The following MALT1 variants were observed in gnomAD, a reference collection of about 807,000 sequenced individuals.
MALT1 encodes mucosa-associated lymphoid tissue lymphoma translocation protein 1.
A neutral mutation model predicts 85.5 loss-of-function variants in MALT1; 36 were observed. The ratio of observed to expected loss-of-function variants is 0.42; its 90% CI spans 0.32 to 0.56. The LOEUF is 0.56. MALT1 is among the 20% of genes least tolerant of loss of function. The pLI, the probability that MALT1 is intolerant of heterozygous loss-of-function variation, is 0.10. For missense variants in MALT1, 716 were observed against 981.6 expected, an observed-to-expected ratio of 0.73 and a Z score of 3.62; for synonymous variants, 359 against 361.3, an observed-to-expected ratio of 0.99 and a Z score of 0.07.
At chr18:58,741,018 A>C (rs1242120100) in intron 13 of MALT1, among the ~76,000 whole-genome samples, 4 of 136,514 alleles carry the variant, frequency 2.9e-5, no homozygotes, top group Non-Finnish European at 6.4e-5. Context: ...TCATACTAAC[A>C]GAGCCACACC....
chr18:58,698,308 G>T (rs1391646370), intron 3 of MALT1, among the ~76,000 whole-genome samples: 1 of 151,898 alleles, frequency 6.6e-6, no homozygotes, highest in South Asian at 2.1e-4. Context: ...CTCGTGATCC[G>T]CCTGCCTCAG....
chr18:58,749,851 C>T lies in MALT1; in HGVS notation c.*2009C>T, dbSNP rs1042392242. 29 of 210,064 alleles carry T rather than the reference C, an allele frequency of 1.4e-4. No individual in the cohort carries two copies. The highest frequency in any genetic ancestry group is 6.1e-4 in the African/African-American group (27 of 44,100). The allele number at this position is 210,064 out of a possible 1,614,324, so 13.0% of individuals were successfully genotyped here. A position where few individuals can be genotyped will look rare whatever the true frequency, so the allele number is the denominator to read the frequency against. The stretch of plus-strand genomic sequence containing the variant: ...TGAAAAGCCCACACCTAACATTATA[C>T]TTCATGGTGATAGACTGAAGGCTGA... On this transcript the variant is annotated 3_prime_UTR_variant, in exon 17 of 17. Coordinates refer to ENST00000649217, the MANE Select transcript of MALT1 (RefSeq NM_006785.4).
intron 2 of MALT1, among the ~76,000 whole-genome samples, chr18:58,689,423 A>C (rs2054461651): frequency 7.3e-6 from 1 of 136,494 alleles, no homozygotes; most frequent in East Asian, 3.1e-4. Context: ...CATGTAAAGC[A>C]GTCAGTAACT....
At chr18:58,698,519 G>A (rs561901143) in intron 3 of MALT1, among the ~76,000 whole-genome samples, 4 of 152,276 alleles carry the variant, frequency 2.6e-5, no homozygotes, top group Non-Finnish European at 4.4e-5. Context: ...ATATTTTAGA[G>A]AGAGTCAACT....
rs1320720757 is a variant in MALT1, at chr18:58,700,553, C to T, written c.611C>T (p.Ser204Leu). 1 of 1,612,106 alleles carries T rather than the reference C, an allele frequency of 6.2e-7. No homozygotes were observed. Among genetic ancestry groups the T allele is most frequent in the African/African-American group, 1.3e-5 (1 of 74,796 alleles). ...NNFTFEFSQW[S>L]QLDVCDIPES... ...TTCACCTTTGAATTCAGCCAGTGGT[C>T]ACAGCTGGATGTTTGCGACATCCCA... The change falls in exon 4 of 17, where the codon TCA becomes TTA. Residue 204 changes from serine (S) to leucine (L), a missense_variant. Ser to Leu is a moderately radical substitution (Grantham distance 145). Transcript: ENST00000649217.
At chr18:58,712,191 T>C (rs919984777) in intron 7 of MALT1, among the ~76,000 whole-genome samples, 3 of 152,172 alleles carry the variant, frequency 2.0e-5, no homozygotes, top group African/African-American at 7.2e-5. Context: ...AGTTACGAAG[T>C]TTCTCCAGAA....
chr18:58,681,312 G>A lies in MALT1; in HGVS notation c.352G>A (p.Val118Ile). The A allele has an allele frequency of 6.2e-7, 1 of 1,613,874 alleles. No homozygotes were observed. Reference protein sequence around the residue: ...DFLQAMEHTEVLQLLSPPGIK... With the variant: ...DFLQAMEHTEILQLLSPPGIK... ...CCTGCAGGCTATGGAACACACTGAA[G>A]TTCTTCAGCTTCTCAGCCCCCCAGG... Residue 118 changes from valine to isoleucine, a missense_variant, in exon 2 of 17, where the codon GTT (valine) becomes ATT (isoleucine). Val to Ile is a conservative substitution (Grantham distance 29, BLOSUM62 3). Coordinates refer to ENST00000649217, the MANE Select transcript of MALT1 (RefSeq NM_006785.4).
chr18:58,729,692 T>TG (rs1353153484), intron 10 of MALT1, among the ~76,000 whole-genome samples: 1 of 152,192 alleles, frequency 6.6e-6, no homozygotes, highest in Non-Finnish European at 1.5e-5. Context: ...GAAAGTCCTT[T>TG]GAAAACCAAG....
At position 58,679,911 on chromosome 18, in the gene MALT1, A is replaced by G. The variant is rs116587098; in HGVS notation, c.210-1259A>G. Reference sequence around the variant, plus strand: ...TAAATATACTTTTTAAAAATTATCAAAAGAGCCAGGAGTGGTGGCTCCAGC... The same window carrying G: ...TAAATATACTTTTTAAAAATTATCAGAAGAGCCAGGAGTGGTGGCTCCAGC... On this transcript the variant is annotated intron_variant, in intron 1 of 16. Transcript: ENST00000649217. Among the ~76,000 whole-genome samples the G allele has an allele frequency of 4.6e-3, 705 of 152,256 alleles. 5 individuals carry two copies. Among genetic ancestry groups the G allele is most frequent in the African/African-American group, 0.016 (678 of 41,540 alleles).
chr18:58,741,977 A>C lies in MALT1; in HGVS notation c.1716A>C (p.Glu572Asp), dbSNP rs1434283210. Reference protein sequence around the residue: ...DPIQGTEYSAESLVRNLQWAK... With the variant: ...DPIQGTEYSADSLVRNLQWAK... ...TACAGGGAACAGAATATTCTGCTGAATCTCTTGTGCGGAATCTACAGTGGG... is the reference window on the plus strand; with the variant it reads ...TACAGGGAACAGAATATTCTGCTGACTCTCTTGTGCGGAATCTACAGTGGG... Residue 572 changes from glutamate to aspartate, a missense_variant, in exon 14 of 17, where the codon GAA becomes GAC. Physicochemically the swap from Glu to Asp is conservative, Grantham distance 45. Transcript: ENST00000649217. The C allele has an allele frequency of 6.4e-6, 10 of 1,551,396 alleles. No individual in the cohort carries two copies. The highest frequency in any genetic ancestry group is 8.8e-6 in the Non-Finnish European group (10 of 1,135,066).
rs34656371 is a variant in MALT1, at chr18:58,736,442, T to TA, written c.1603+1126dup. On this transcript the variant is annotated intron_variant, in intron 13 of 16. Transcript: ENST00000649217. ...ATTTGAAGGAAAGGCTCTGCTGCTT[T>TA]AAAAAAAAAAAAAGAAAGAAAGAAA... is the stretch of plus-strand genomic sequence containing the variant. Among the ~76,000 whole-genome samples the TA allele has an allele frequency of 5.1e-3, 735 of 145,392 alleles. 4 individuals are homozygous for TA. The highest frequency in any genetic ancestry group is 9.1e-3 in the East Asian group (46 of 5,040).
At chr18:58,704,294 G>A (rs898643996) in intron 4 of MALT1, among the ~76,000 whole-genome samples, 1 of 152,114 alleles carries the variant, frequency 6.6e-6, no homozygotes, top group East Asian at 1.9e-4. Flanking sequence ...CACCAACAGC[G>A]TATAAGATTT....
At position 58,710,196 on chromosome 18, in the gene MALT1, A is replaced by G. The variant is rs945016497; in HGVS notation, c.925+124A>G. On this transcript the variant is annotated intron_variant, in intron 6 of 16. Transcript: ENST00000649217. ...CATACTATTTAATGATGTGTTAAGC[A>G]TTAGAAGTTATATTGTTTATATTGA... The G allele has an allele frequency of 2.7e-5, 13 of 476,324 alleles. No homozygotes were observed. The Admixed American group carries it at 4.9e-4, about 18-fold the overall frequency. The allele number at this position is 476,324 out of a possible 1,614,324, so 29.5% of individuals were successfully genotyped here.
intron 3 of MALT1, 118 bp from the exon 4 acceptor site, chr18:58,700,323 T>G: frequency 1.4e-6 from 1 of 695,416 alleles, no homozygotes; most frequent in Non-Finnish European, 2.2e-6. Flanking sequence ...GTTTTAGAAC[T>G]TGGGGGAAAA....
At chr18:58,681,090 G>A in intron 1 of MALT1, 80 bp from the exon 2 acceptor site, 1 of 1,297,248 alleles carries the variant, frequency 7.7e-7, no homozygotes, top group Non-Finnish European at 1.1e-6. Context: ...ATTCCATACA[G>A]CACCACCGTG....
rs2055415165 is a variant in MALT1 at position 58,749,275 on chromosome 18, G to A, written c.*1433G>A. The A allele has an allele frequency of 4.6e-6, 1 of 216,872 alleles. No homozygotes were observed. Among genetic ancestry groups the A allele is most frequent in the Admixed American group, 5.8e-5 (1 of 17,260 alleles). The allele number at this position is 216,872 out of a possible 1,614,324, so 13.4% of individuals were successfully genotyped here. On this transcript the variant is annotated 3_prime_UTR_variant, in exon 17 of 17. Transcript: ENST00000649217. ...CATATGTTTATCTCACACACATTAT[G>A]AGCTTGAATTCTTAATTCATCCTAG...
intron 13 of MALT1, among the ~76,000 whole-genome samples, chr18:58,737,888 T>G (rs1602338666): frequency 6.6e-6 from 1 of 152,226 alleles, no homozygotes; most frequent in East Asian, 1.9e-4. Flanking sequence ...CGGCCCACCT[T>G]ACCAATTTCA....
intron 1 of MALT1, among the ~76,000 whole-genome samples, chr18:58,674,324 G>C (rs562700589): frequency 6.6e-6 from 1 of 152,318 alleles, no homozygotes; most frequent in African/African-American, 2.4e-5. Context: ...CCACTTTTCT[G>C]TGGAGTCACA....
At chr18:58,709,219 C>T (rs371611793) in intron 4 of MALT1, among the ~76,000 whole-genome samples, 159 bp from the exon 5 acceptor site, 54 of 152,094 alleles carry the variant, frequency 3.6e-4, no homozygotes, top group Admixed American at 2.7e-3. Flanking sequence ...CAGAATATCT[C>T]GTAATATTTC....
Sources: gnomAD v4.1 joint callset for allele counts (sites outside exome capture counted in the v4.1 genomes callset) on GRCh38, gnomAD v4.1.1 for gene constraint, MANE v1.5 for transcripts, NCBI Gene and HGNC (gene_info 2026-07-23, HGNC 2026-07-21) for gene names.